The following SEMA3D variants were observed in gnomAD, a reference collection of about 807,000 sequenced individuals.
SEMA3D encodes the protein semaphorin-3D.
In SEMA3D, 84 loss-of-function variants were observed where a neutral mutation model predicts 100.1. That is an observed-to-expected ratio of 0.84 (90% CI 0.70 to 1.01). The LOEUF (loss-of-function observed/expected upper bound fraction) is 1.01. Ranked by LOEUF, SEMA3D falls within the 50% of genes least tolerant of loss-of-function variation. The probability of loss-of-function intolerance (pLI) is 0.00; values close to 1 mark genes in which losing one functional copy is unlikely to be tolerated. For missense variants in SEMA3D, 875 were observed against 934.1 expected (o/e 0.94, Z 0.82); for synonymous variants, 312 against 320.7 (o/e 0.97, Z 0.29).
At chr7:85,236,525 C>A in the SEMA3D span, among the ~76,000 whole-genome samples, 1 of 151,702 alleles carries the variant, frequency 6.6e-6, no homozygotes, top group Non-Finnish European at 1.5e-5. Flanking sequence ...CCAGGATGGT[C>A]TTGATCTCTT....
chr7:85,061,247 G>C (rs369580817), intron 8 of SEMA3D, among the ~76,000 whole-genome samples: 1 of 152,098 alleles, frequency 6.6e-6, no homozygotes, highest in Admixed American at 6.5e-5. Context: ...AGATGGATTA[G>C]TATCTTAAGG....
At chr7:85,017,345 T>C (rs1790133594) in intron 15 of SEMA3D, among the ~76,000 whole-genome samples, 1 of 151,794 alleles carries the variant, frequency 6.6e-6, no homozygotes, top group African/African-American at 2.4e-5. Flanking sequence ...CACTCAGCTA[T>C]ACTGTGAGCT....
intron 2 of SEMA3D, chr7:85,142,276 A>G (rs894166432): frequency 1.3e-4 from 130 of 980,672 alleles, no homozygotes; most frequent in Non-Finnish European, 1.5e-4. Flanking sequence ...AATATCTAGT[A>G]AAACACTGAG....
chr7:85,037,161 GA>G, intron 11 of SEMA3D, 128 bp from the exon 12 acceptor site: 1 of 764,960 alleles, frequency 1.3e-6, no homozygotes, highest in Non-Finnish European at 2.1e-6. Context: ...GGGTACTGTA[GA>G]CACAATGTGC....
At chr7:85,067,632 T>C (rs575507492) in intron 7 of SEMA3D, among the ~76,000 whole-genome samples, 12 of 152,284 alleles carry the variant, frequency 7.9e-5, no homozygotes, top group African/African-American at 2.9e-4. Flanking sequence ...CCACACAGTA[T>C]TGCTTCTTTG....
chr7:85,161,542 G>A (rs938094147), intron 1 of SEMA3D, among the ~76,000 whole-genome samples: 2 of 152,102 alleles, frequency 1.3e-5, no homozygotes, highest in Non-Finnish European at 2.9e-5. Context: ...TGGAACTGAG[G>A]ATGGTTGCGG....
rs754423154 is a variant in SEMA3D at position 85,018,280 on chromosome 7, A to G, written c.1517T>C (p.Ile506Thr). 18 of 1,593,618 alleles carry G rather than the reference A, an allele frequency of 1.1e-5. No homozygotes were observed. The highest frequency in any genetic ancestry group is 1.5e-5 in the Non-Finnish European group (18 of 1,162,926). Reference protein sequence around the residue: ...ELQIFKHSSIILNMELSLKQQ... With the variant: ...ELQIFKHSSITLNMELSLKQQ... Reference sequence around the variant, plus strand: ...CTTCAGAGACAATTCCATGTTCAAGATGATTGATGAGTGCTGAAAATAGAA... The same window carrying G: ...CTTCAGAGACAATTCCATGTTCAAGGTGATTGATGAGTGCTGAAAATAGAA... The change falls in exon 15 of 19, where the codon ATC becomes ACC. Residue 506 changes from isoleucine to threonine, a missense_variant. Coordinates refer to ENST00000284136, the MANE Select transcript of SEMA3D (RefSeq NM_001384900.1).
chr7:85,230,544 C>G, the SEMA3D span, among the ~76,000 whole-genome samples: 1 of 152,170 alleles, frequency 6.6e-6, no homozygotes, highest in African/African-American at 2.4e-5. Context: ...TTGAAGTCGT[C>G]CAGTATGAAG....
chr7:85,114,107 G>C (rs985129259), intron 3 of SEMA3D, among the ~76,000 whole-genome samples: 2 of 152,130 alleles, frequency 1.3e-5, no homozygotes, highest in African/African-American at 4.8e-5. Context: ...GTTGTCATGA[G>C]AGACAAAATG....
the SEMA3D span, among the ~76,000 whole-genome samples, chr7:85,232,128 G>C: frequency 6.6e-6 from 1 of 152,148 alleles, no homozygotes; most frequent in Admixed American, 6.6e-5. Flanking sequence ...CGAAAAATGA[G>C]TGCATTTGGC....
chr7:85,217,651 A>G, the SEMA3D span, among the ~76,000 whole-genome samples: 38 of 152,020 alleles, frequency 2.5e-4, no homozygotes, highest in South Asian at 2.1e-4. Flanking sequence ...TTGCTCAAGA[A>G]TGCCCTTTGC....
chr7:85,098,239 A>C, intron 3 of SEMA3D, among the ~76,000 whole-genome samples: 1 of 151,918 alleles, frequency 6.6e-6, no homozygotes, highest in South Asian at 2.1e-4. Flanking sequence ...TTTTCAACGT[A>C]ATTATTTAGA....
intron 2 of SEMA3D, among the ~76,000 whole-genome samples, chr7:85,136,879 C>T (rs948675471): frequency 5.9e-5 from 9 of 152,092 alleles, no homozygotes; most frequent in African/African-American, 2.2e-4. Flanking sequence ...AGTTAAGGGT[C>T]TAAAGACATG....
intron 12 of SEMA3D, among the ~76,000 whole-genome samples, chr7:85,029,849 A>C (rs1790496329): frequency 6.6e-6 from 1 of 152,082 alleles, no homozygotes; most frequent in Non-Finnish European, 1.5e-5. Flanking sequence ...AGCACAAGGA[A>C]AGGAAATAAC....
chr7:85,159,190 A>G (rs1024541932), intron 1 of SEMA3D, among the ~76,000 whole-genome samples: 4 of 152,158 alleles, frequency 2.6e-5, no homozygotes, highest in African/African-American at 9.7e-5. Context: ...TAAACACATA[A>G]ATCAACTGTC....
intron 16 of SEMA3D, among the ~76,000 whole-genome samples, chr7:85,013,964 C>A (rs539219130): frequency 6.6e-6 from 1 of 151,844 alleles, no homozygotes; most frequent in Non-Finnish European, 1.5e-5. Context: ...TGAGCAAGTT[C>A]TTGGCCAAAA....
At chr7:85,013,129 G>A (rs1358982297) in intron 16 of SEMA3D, among the ~76,000 whole-genome samples, 2 of 151,528 alleles carry the variant, frequency 1.3e-5, no homozygotes, top group Non-Finnish European at 1.5e-5. Context: ...AACAAAAAAG[G>A]TTAAATAAAA....
the SEMA3D span, among the ~76,000 whole-genome samples, chr7:85,216,328 C>A: frequency 1.3e-5 from 2 of 150,598 alleles, no homozygotes; most frequent in African/African-American, 4.9e-5. Flanking sequence ...AACAAGTGAC[C>A]AGTTCAACTT....
chr7:85,245,006 C>G, the SEMA3D span, among the ~76,000 whole-genome samples: 2 of 152,080 alleles, frequency 1.3e-5, no homozygotes, highest in Non-Finnish European at 2.9e-5. Flanking sequence ...CCACTGCGCC[C>G]GGCCAGAATC....
Sources: gnomAD v4.1 joint callset for allele counts (sites outside exome capture counted in the v4.1 genomes callset) on GRCh38, gnomAD v4.1.1 for gene constraint, MANE v1.5 for transcripts, NCBI Gene and HGNC (gene_info 2026-07-23, HGNC 2026-07-21) for gene names.